Variants in COPG2 observed in about 807,000 individuals in gnomAD.
The protein encoded by COPG2 is coatomer subunit gamma-2.
COPG2 carries 37 observed loss-of-function variants against 46.3 expected under a neutral mutation model. That is an observed-to-expected ratio of 0.80 (90% CI 0.61 to 1.05). The LOEUF is 1.05. Ranked by LOEUF, COPG2 falls within the 50% of genes least tolerant of loss-of-function variation. COPG2 has a pLI of 0.00. For missense variants in COPG2, 427 were observed against 387.8 expected (o/e 1.10, Z -0.85); for synonymous variants, 159 against 129.7 (o/e 1.23, Z -1.53).
At position 130,557,141 on chromosome 7, in the gene COPG2, C is replaced by T. The variant is rs975940575; in HGVS notation, c.1129-2009G>A. Among the ~76,000 whole-genome samples the T allele has an allele frequency of 3.9e-5, 6 of 151,948 alleles. No homozygotes were observed. The East Asian group carries it at 7.7e-4, about 20-fold the overall frequency. On this transcript the variant is annotated intron_variant, in intron 12 of 23. Coordinates refer to ENST00000425248, the MANE Select transcript of COPG2 (RefSeq NM_012133.6). ...TAGAGAATGAATAATAAAACTAACT[C>T]GATAATTCACCAAGGTAGCAGGATA...
intron 9 of COPG2, among the ~76,000 whole-genome samples, chr7:130,571,815 GTAAA>G (rs1480295892): frequency 6.6e-6 from 1 of 151,164 alleles, no homozygotes; most frequent in Non-Finnish European, 1.5e-5. Context: ...CAATCAATAA[GTAAA>G]TAAAGAAAAT....
intron 5 of COPG2, among the ~76,000 whole-genome samples, chr7:130,623,724 T>C (rs1554453924): frequency 6.6e-6 from 1 of 152,144 alleles, no homozygotes; most frequent in African/African-American, 2.4e-5. Context: ...TGGTGGTGCA[T>C]GCTACGGCCC....
At chr7:130,620,584 T>C (rs1795022266) in intron 5 of COPG2, among the ~76,000 whole-genome samples, 1 of 152,202 alleles carries the variant, frequency 6.6e-6, no homozygotes, top group African/African-American at 2.4e-5. Flanking sequence ...ATGTATATAA[T>C]TGTTATTCTA....
At chr7:130,589,142 A>T (rs1413503256) in intron 9 of COPG2, among the ~76,000 whole-genome samples, 1 of 152,284 alleles carries the variant, frequency 6.6e-6, no homozygotes, top group Non-Finnish European at 1.5e-5. Flanking sequence ...TGTTAAAGAC[A>T]TCTCTCAATA....
chr7:130,622,839 CACT>C (rs1272526253), intron 5 of COPG2, among the ~76,000 whole-genome samples: 1 of 152,170 alleles, frequency 6.6e-6, no homozygotes, highest in Non-Finnish European at 1.5e-5. Flanking sequence ...CCCCTACCAC[CACT>C]GTCAGAGGCA....
rs1554440552 is a variant in COPG2, at chr7:130,508,601, A to AGT, written c.2206_2207dup (p.Gly737LeufsTer20). On this transcript the variant is annotated frameshift_variant, in exon 21 of 24. Coordinates refer to ENST00000425248, the MANE Select transcript of COPG2 (RefSeq NM_012133.6). LOFTEE classifies it high-confidence loss of function. ...CATACCCATCCTCATCTGGAACTCC[A>AGT]GTGTTAGGGTCACAGTCCCGGACTG... 1 of 777,354 alleles carries AGT rather than the reference A, an allele frequency of 1.3e-6. No homozygotes were observed. Among genetic ancestry groups the AGT allele is most frequent in the Non-Finnish European group, 2.4e-6 (1 of 416,686 alleles). The allele number at this position is 777,354 out of a possible 1,614,324, so 48.2% of individuals were successfully genotyped here. A position where few individuals can be genotyped will look rare whatever the true frequency, so the allele number is the denominator to read the frequency against.
intron 20 of COPG2, chr7:130,511,603 C>T (rs572618142): frequency 3.9e-6 from 2 of 518,838 alleles, no homozygotes; most frequent in East Asian, 1.1e-4. Flanking sequence ...TAAGGAATGA[C>T]ACACATCAAC....
At chr7:130,509,800 C>A (rs370096679) in intron 20 of COPG2, 329 of 510,782 alleles carry the variant, frequency 6.4e-4, no homozygotes, top group Non-Finnish European at 1.0e-3. Context: ...GCCATAGATC[C>A]TTTAAGTTTT....
intron 8 of COPG2, 139 bp from the exon 9 acceptor site, chr7:130,611,249 C>T (rs1197583300): frequency 5.4e-6 from 4 of 746,106 alleles, no homozygotes; most frequent in African/African-American, 5.3e-5. Context: ...TTTTTTCACA[C>T]TGAACTAAAC....
At chr7:130,625,299 G>C (rs1212749888) in intron 5 of COPG2, among the ~76,000 whole-genome samples, 3 of 151,974 alleles carry the variant, frequency 2.0e-5, no homozygotes, top group Admixed American at 6.6e-5. Flanking sequence ...TTTTATTACT[G>C]ATTATCTGGG....
At chr7:130,602,105 G>A (rs1371266913) in intron 9 of COPG2, among the ~76,000 whole-genome samples, 7 of 152,196 alleles carry the variant, frequency 4.6e-5, no homozygotes, top group African/African-American at 1.7e-4. Context: ...TCAGATCCCT[G>A]ACCATAGCAA....
At chr7:130,605,806 G>A in intron 9 of COPG2, 1 of 519,394 alleles carries the variant, frequency 1.9e-6, no homozygotes, top group South Asian at 1.4e-5. Context: ...TGAGGCCTGT[G>A]TCAGACTTCT....
chr7:130,639,689 G>C (rs1275948371), intron 5 of COPG2, among the ~76,000 whole-genome samples: 1 of 152,212 alleles, frequency 6.6e-6, no homozygotes, highest in Non-Finnish European at 1.5e-5. Flanking sequence ...TCCAATGTCA[G>C]TTTATACTTC....
chr7:130,667,429 C>A, intron 2 of COPG2, 53 bp downstream of exon 2: 2 of 1,452,946 alleles, frequency 1.4e-6, no homozygotes, highest in Non-Finnish European at 1.9e-6. Flanking sequence ...TCTCTGCCCA[C>A]CACTCTAAAA....
chr7:130,624,177 A>T lies in COPG2; in HGVS notation c.324-7112T>A, dbSNP rs144154473. Among the ~76,000 whole-genome samples the T allele has an allele frequency of 1.9e-4, 29 of 152,108 alleles. No homozygotes were observed. In the East Asian group the frequency reaches 5.4e-3, roughly 28 times the overall value. Reference sequence around the variant, plus strand: ...CCAAGGGCTCCATCCTCATAATCTAATCACCCCCAAAGGCCTCACTTCCCA... The same window carrying T: ...CCAAGGGCTCCATCCTCATAATCTATTCACCCCCAAAGGCCTCACTTCCCA... On this transcript the variant is annotated intron_variant, in intron 5 of 23. Transcript: ENST00000425248.
intron 20 of COPG2, among the ~76,000 whole-genome samples, chr7:130,523,678 G>A (rs1391895994): frequency 1.5e-4 from 23 of 152,322 alleles, no homozygotes; most frequent in African/African-American, 5.5e-4. Flanking sequence ...CCAGACTCAA[G>A]GACTCAGGTG....
chr7:130,641,231 G>A (rs1229133407), intron 5 of COPG2, among the ~76,000 whole-genome samples: 2 of 146,176 alleles, frequency 1.4e-5, no homozygotes, highest in Non-Finnish European at 3.0e-5. Flanking sequence ...AATCTGTCAA[G>A]AAAGAAGAAG....
intron 9 of COPG2, among the ~76,000 whole-genome samples, chr7:130,569,866 T>C (rs1216398086): frequency 6.6e-6 from 1 of 152,176 alleles, no homozygotes; most frequent in African/African-American, 2.4e-5. Flanking sequence ...CATGACCAAG[T>C]GGGTTTCATA....
intron 20 of COPG2, among the ~76,000 whole-genome samples, chr7:130,542,204 G>T (rs1793341046): frequency 1.4e-5 from 2 of 146,696 alleles, no homozygotes; most frequent in African/African-American, 5.3e-5. Flanking sequence ...CCCCAAAGGG[G>T]TGAAGTGTTT....
Sources: allele counts gnomAD v4.1 joint callset (sites outside exome capture counted in the v4.1 genomes callset), GRCh38; gene constraint gnomAD v4.1.1; transcripts MANE v1.5; gene names NCBI Gene and HGNC (gene_info 2026-07-23, HGNC 2026-07-21).